The following TLN2 variants were observed in gnomAD, a reference collection of about 807,000 sequenced individuals.
TLN2 encodes talin-2.
Under a neutral mutation model 294.7 loss-of-function variants are expected in TLN2, and 118 were observed. The ratio of observed to expected loss-of-function variants is 0.40; its 90% confidence interval spans 0.34 to 0.47. The LOEUF is 0.47. TLN2 is among the 20% of genes least tolerant of loss of function. TLN2 has a pLI of 0.84. For synonymous variants in TLN2, 1,431 were observed against 1,304.5 expected, an observed-to-expected ratio of 1.10 and a Z score of -2.09; for missense variants, 3,083 against 3,282.2, an observed-to-expected ratio of 0.94 and a Z score of 1.48.
chr15:62,797,504 G>C (rs141048378), intron 48 of TLN2, 102 bp downstream of exon 48: 28 of 1,361,556 alleles, frequency 2.1e-5, no homozygotes, highest in Middle Eastern at 2.7e-4. Flanking sequence ...TTTTGAAGTA[G>C]ACAATGTGTG....
At chr15:62,573,757 ATTTC>A (rs1039350407) in intron 1 of TLN2, among the ~76,000 whole-genome samples, 44 of 145,674 alleles carry the variant, frequency 3.0e-4, no homozygotes, top group African/African-American at 1.0e-3. Context: ...AAATCCCTGA[ATTTC>A]TTTCTTCCTT....
chr15:62,412,376 A>C (rs772271769), intron 1 of TLN2, among the ~76,000 whole-genome samples: 1 of 152,292 alleles, frequency 6.6e-6, no homozygotes, highest in East Asian at 1.9e-4. Flanking sequence ...TCTGGCTCCA[A>C]ATTGAGTGCT....
intron 25 of TLN2, among the ~76,000 whole-genome samples, chr15:62,720,497 T>G (rs2060067733): frequency 6.6e-6 from 1 of 152,248 alleles, no homozygotes; most frequent in South Asian, 2.1e-4. Context: ...GGTCAATTCC[T>G]CATCCCTTTC....
chr15:62,800,332 G>C, intron 48 of TLN2, 36 bp from the exon 49 acceptor site: 2 of 1,604,930 alleles, frequency 1.2e-6, no homozygotes, highest in Non-Finnish European at 1.7e-6. Flanking sequence ...CTGACATCTT[G>C]ACGCCTGCTC....
intron 2 of TLN2, among the ~76,000 whole-genome samples, chr15:62,606,430 A>T (rs1248787907): frequency 6.6e-6 from 1 of 152,128 alleles, no homozygotes; most frequent in African/African-American, 2.4e-5. Flanking sequence ...ATTGTAAATA[A>T]TACCAGGAAA....
Position 62,792,669 on chromosome 15 carries a change from A to C in TLN2, c.5765A>C (p.Gln1922Pro), listed in dbSNP as rs748499528. The C allele has an allele frequency of 6.2e-7, 1 of 1,613,806 alleles. No homozygotes were observed. Among genetic ancestry groups the C allele is most frequent in the South Asian group, 1.1e-5 (1 of 91,060 alleles). ...EIGFQIRTRV[Q>P]DLGHGCIFLV... ...GGATTCCAGATTCGCACTCGTGTGCAGGACCTGGGCCACGGCTGTATCTTC... is the reference window on the plus strand; with the variant it reads ...GGATTCCAGATTCGCACTCGTGTGCCGGACCTGGGCCACGGCTGTATCTTC... The change falls in exon 46 of 59, where the codon CAG becomes CCG. Residue 1922 changes from glutamine to proline, a missense_variant. Coordinates refer to ENST00000636159, the MANE Select transcript of TLN2 (RefSeq NM_015059.3).
At chr15:62,706,262 A>G (rs555854805) in intron 19 of TLN2, among the ~76,000 whole-genome samples, 1 of 152,368 alleles carries the variant, frequency 6.6e-6, no homozygotes, top group Admixed American at 6.5e-5. Context: ...ATTAATTGTA[A>G]CCATGGTTCT....
At chr15:62,760,742 A>C (rs2141019371) in intron 37 of TLN2, among the ~76,000 whole-genome samples, 1 of 152,300 alleles carries the variant, frequency 6.6e-6, no homozygotes, top group South Asian at 2.1e-4. Context: ...CCAGACCGTA[A>C]ATCAGCAATA....
chr15:62,576,075 G>A (rs918032915), intron 1 of TLN2, among the ~76,000 whole-genome samples: 1 of 152,116 alleles, frequency 6.6e-6, no homozygotes, highest in Non-Finnish European at 1.5e-5. Flanking sequence ...GATATTTTAT[G>A]TTCTAAGGTA....
At chr15:62,731,388 T>C (rs1034779717) in intron 28 of TLN2, among the ~76,000 whole-genome samples, 9 of 100,204 alleles carry the variant, frequency 9.0e-5, no homozygotes, top group African/African-American at 3.4e-4. Flanking sequence ...ATTGTAGAGA[T>C]AGTTTGAGGC....
chr15:62,712,935 C>T (rs114403259), intron 22 of TLN2, among the ~76,000 whole-genome samples: 3,613 of 152,144 alleles, frequency 0.024, 144 homozygotes, highest in African/African-American at 0.076. Context: ...CAAATTCCTG[C>T]CCTCAAAATA....
At chr15:62,792,314 C>T (rs1238487420) in intron 45 of TLN2, among the ~76,000 whole-genome samples, 1 of 152,200 alleles carries the variant, frequency 6.6e-6, no homozygotes, top group Non-Finnish European at 1.5e-5. Flanking sequence ...ACAGAATTAT[C>T]CCACAAAGTT....
chr15:62,656,330 A>G (rs2053208397), intron 8 of TLN2, among the ~76,000 whole-genome samples: 2 of 152,156 alleles, frequency 1.3e-5, no homozygotes, highest in African/African-American at 4.8e-5. Flanking sequence ...GGTAGCCAAC[A>G]CTGTGTCCCT....
At chr15:62,514,352 T>C (rs2040079203) in intron 1 of TLN2, among the ~76,000 whole-genome samples, 2 of 152,228 alleles carry the variant, frequency 1.3e-5, no homozygotes, top group African/African-American at 2.4e-5. Flanking sequence ...AAAGATCAAA[T>C]GTCTAATGCT....
chr15:62,745,362 A>G (rs963573164), intron 32 of TLN2, among the ~76,000 whole-genome samples: 1 of 152,178 alleles, frequency 6.6e-6, no homozygotes, highest in Non-Finnish European at 1.5e-5. Context: ...TGTACTTCAG[A>G]CCTATTTGGA....
intron 24 of TLN2, among the ~76,000 whole-genome samples, chr15:62,719,473 G>A (rs1286856371): frequency 2.0e-5 from 3 of 152,168 alleles, no homozygotes; most frequent in South Asian, 2.1e-4. Flanking sequence ...GATGGTGTGA[G>A]TTGCAACTAA....
At chr15:62,562,020 C>T (rs534590651) in intron 1 of TLN2, among the ~76,000 whole-genome samples, 1 of 152,124 alleles carries the variant, frequency 6.6e-6, no homozygotes, top group African/African-American at 2.4e-5. Flanking sequence ...GCTTCTTTTT[C>T]CTTTTCAACT....
intron 40 of TLN2, among the ~76,000 whole-genome samples, chr15:62,765,290 C>G (rs2062928805): frequency 6.6e-6 from 1 of 152,036 alleles, no homozygotes; most frequent in Non-Finnish European, 1.5e-5. Flanking sequence ...TCTGCCTGCT[C>G]CCATCTGTCT....
intron 1 of TLN2, among the ~76,000 whole-genome samples, chr15:62,534,850 A>G (rs2041247542): frequency 6.6e-6 from 1 of 152,090 alleles, no homozygotes; most frequent in Non-Finnish European, 1.5e-5. Flanking sequence ...ACAAGACCAA[A>G]TATATATTTC....
Sources: allele counts gnomAD v4.1 joint callset (sites outside exome capture counted in the v4.1 genomes callset), GRCh38; gene constraint gnomAD v4.1.1; transcripts MANE v1.5; gene names NCBI Gene and HGNC (gene_info 2026-07-23, HGNC 2026-07-21).